The following NEDD4L variants were observed in gnomAD, a reference collection of about 807,000 sequenced individuals.
NEDD4L encodes the protein E3 ubiquitin-protein ligase NEDD4-like.
NEDD4L carries 54 observed loss-of-function variants against 148.9 expected under a neutral mutation model. The observed-to-expected ratio is 0.36, with a 90% CI of 0.29 to 0.45. The LOEUF is 0.45. NEDD4L is among the 20% of genes least tolerant of loss of function. The pLI is 1.00. For missense variants in NEDD4L, 856 were observed against 1,233.8 expected (o/e 0.69, Z 4.59); for synonymous variants, 433 against 440.7 (o/e 0.98, Z 0.22).
rs111844560 is a variant in NEDD4L at position 58,226,594 on chromosome 18, G to A, written c.123-18833G>A. 4.6e-3 allele frequency among the ~76,000 whole-genome samples: 704 copies of A among 152,288 alleles called. 4 individuals carry two copies. Among genetic ancestry groups the A allele is most frequent in the African/African-American group, 0.015 (624 of 41,558 alleles). On this transcript the variant is annotated intron_variant, in intron 2 of 30. Transcript: ENST00000400345. ...CTTAAAGCTTTTCTGTCTTTTCTGA[G>A]CTTCTCAAGTGAGCAGGGGCATGAG...
chr18:58,152,901 G>A (rs2034970199), intron 1 of NEDD4L, among the ~76,000 whole-genome samples: 1 of 152,184 alleles, frequency 6.6e-6, no homozygotes, highest in South Asian at 2.1e-4. Context: ...CCTAGTACCT[G>A]CAAGTACCTG....
chr18:58,323,438 A>AT (rs2059021940), intron 8 of NEDD4L, 104 bp downstream of exon 8: 2 of 707,052 alleles, frequency 2.8e-6, no homozygotes, highest in Admixed American at 5.3e-5. Flanking sequence ...AAGCTTAAAT[A>AT]TAAAAAAAAG....
intron 5 of NEDD4L, among the ~76,000 whole-genome samples, chr18:58,278,162 G>C (rs1568554200): frequency 1.3e-5 from 2 of 152,198 alleles, no homozygotes; most frequent in Non-Finnish European, 2.9e-5. Context: ...TTAAACTTCA[G>C]ATAGGCATAA....
At chr18:58,350,186 G>A (rs985030268) in intron 17 of NEDD4L, among the ~76,000 whole-genome samples, 14 of 152,164 alleles carry the variant, frequency 9.2e-5, no homozygotes, top group African/African-American at 3.4e-4. Context: ...CGTAGGGGGT[G>A]ACAGGGCAGT....
At chr18:58,133,124 G>T (rs2032383663) in intron 1 of NEDD4L, among the ~76,000 whole-genome samples, 1 of 152,256 alleles carries the variant, frequency 6.6e-6, no homozygotes, top group Admixed American at 6.5e-5. Flanking sequence ...CTCACTGAAG[G>T]AATGTGTAAC....
chr18:58,261,299 T>C (rs1299578444), intron 5 of NEDD4L, among the ~76,000 whole-genome samples: 3 of 152,244 alleles, frequency 2.0e-5, no homozygotes, highest in Non-Finnish European at 4.4e-5. Flanking sequence ...ACATTTTGGC[T>C]TGCATTTCTA....
chr18:58,278,844 T>C (rs907370617), intron 5 of NEDD4L, among the ~76,000 whole-genome samples: 3 of 152,212 alleles, frequency 2.0e-5, no homozygotes, highest in Non-Finnish European at 4.4e-5. Context: ...CACACAGTTA[T>C]ATATTTGACT....
chr18:58,353,227 A>C (rs1193880502), intron 18 of NEDD4L, among the ~76,000 whole-genome samples: 2 of 152,066 alleles, frequency 1.3e-5, no homozygotes, highest in African/African-American at 2.4e-5. Context: ...GCTTTTCCTT[A>C]CTCCTGATCA....
intron 1 of NEDD4L, among the ~76,000 whole-genome samples, chr18:58,072,139 A>G (rs983981611): frequency 6.6e-6 from 1 of 152,192 alleles, no homozygotes; most frequent in Non-Finnish European, 1.5e-5. Context: ...CAATCAGGAA[A>G]CCTTCCACCA....
At position 58,102,966 on chromosome 18, in the gene NEDD4L, A is replaced by G. The variant is rs544419300; in HGVS notation, c.48+58258A>G. ...TTCAGGCAGCTCAGCCTTTGTTTGC[A>G]TGCTCAAAACCAGCTTGTGATTTGG... On this transcript the variant is annotated intron_variant, in intron 1 of 30. Coordinates refer to ENST00000400345, the MANE Select transcript of NEDD4L (RefSeq NM_001144967.3). 9.9e-5 allele frequency among the ~76,000 whole-genome samples: 15 copies of G among 152,222 alleles called. No homozygotes were observed. The South Asian group carries it at 1.5e-3, about 15-fold the overall frequency.
intron 2 of NEDD4L, among the ~76,000 whole-genome samples, chr18:58,235,257 C>T (rs554609603): frequency 5.9e-5 from 9 of 152,182 alleles, no homozygotes; most frequent in Non-Finnish European, 1.0e-4. Flanking sequence ...GAGGCCCACT[C>T]TCGGTGTGGC....
At chr18:58,182,996 C>G (rs1193822314) in intron 2 of NEDD4L, among the ~76,000 whole-genome samples, 1 of 152,200 alleles carries the variant, frequency 6.6e-6, no homozygotes, top group Non-Finnish European at 1.5e-5. Context: ...TCCTGGTAAC[C>G]TGGGTTGTCA....
chr18:58,363,136 G>A (rs34639145), intron 19 of NEDD4L, among the ~76,000 whole-genome samples: 1,689 of 152,096 alleles, frequency 0.011, 16 homozygotes, highest in South Asian at 0.03. Flanking sequence ...AAACACTGAC[G>A]TGCTCATTTT....
rs1019194819 is a variant in NEDD4L at position 58,256,621 on chromosome 18, G to T, written c.297+4567G>T. ...GGACGAACTCCGCGGAGAGGACTCC[G>T]CAGGGCCAGGGGTGCACATTTAAGA... On this transcript the variant is annotated intron_variant, in intron 5 of 30. Coordinates refer to ENST00000400345, the MANE Select transcript of NEDD4L (RefSeq NM_001144967.3). The surrounding 1 kb of genome is among the most constrained non-coding windows in gnomAD (Gnocchi z 5.2). 41 of 1,232,104 alleles carry T rather than the reference G, an allele frequency of 3.3e-5. No homozygotes were observed. The highest frequency in any genetic ancestry group is 3.7e-5 in the Non-Finnish European group (37 of 988,026). The allele number at this position is 1,232,104 out of a possible 1,614,324, so 76.3% of individuals were successfully genotyped here.
chr18:58,132,171 TGC>T (rs1432987633), intron 1 of NEDD4L, among the ~76,000 whole-genome samples: 1 of 152,198 alleles, frequency 6.6e-6, no homozygotes, highest in African/African-American at 2.4e-5. Context: ...TCTCCATCAG[TGC>T]GTTCAGTCTT....
At chr18:58,056,338 G>A (rs908978052) in intron 1 of NEDD4L, among the ~76,000 whole-genome samples, 4 of 152,214 alleles carry the variant, frequency 2.6e-5, no homozygotes, top group East Asian at 1.9e-4. Context: ...GTCTCAATTC[G>A]TGTTTTATGG....
At chr18:58,186,081 A>G (rs145743472) in intron 2 of NEDD4L, among the ~76,000 whole-genome samples, 8 of 143,592 alleles carry the variant, frequency 5.6e-5, no homozygotes, top group African/African-American at 2.1e-4. Flanking sequence ...ATGCACACGC[A>G]CACAGAGAAG....
At chr18:58,078,550 T>TG (rs915453248) in intron 1 of NEDD4L, among the ~76,000 whole-genome samples, 1 of 152,206 alleles carries the variant, frequency 6.6e-6, no homozygotes, top group Non-Finnish European at 1.5e-5. Context: ...GCATTTTTCC[T>TG]GAAGGTCTCA....
intron 1 of NEDD4L, among the ~76,000 whole-genome samples, chr18:58,060,548 G>A (rs1241694555): frequency 7.2e-5 from 11 of 152,170 alleles, no homozygotes; most frequent in African/African-American, 2.4e-4. Context: ...AAGGCAGGAG[G>A]TATTTAGGAG....
Sources: allele counts gnomAD v4.1 joint callset (sites outside exome capture counted in the v4.1 genomes callset), GRCh38; gene constraint gnomAD v4.1.1; non-coding constraint Gnocchi (gnomAD v3.1); transcripts MANE v1.5; gene names NCBI Gene and HGNC (gene_info 2026-07-23, HGNC 2026-07-21).